HTT: variants seen among roughly 807,000 people sequenced by gnomAD.
HTT encodes huntingtin.
A neutral mutation model predicts 362.3 loss-of-function variants in HTT; 104 were observed. The observed-to-expected ratio is 0.29, with a 90% confidence interval of 0.24 to 0.34. The LOEUF is 0.34. Ranked by LOEUF, HTT falls within the 10% of genes least tolerant of loss-of-function variation. The probability of loss-of-function intolerance (pLI) is 1.00; values close to 1 mark genes in which losing one functional copy is unlikely to be tolerated. For missense variants in HTT, 3,301 were observed against 3,928.6 expected, an observed-to-expected ratio of 0.84 and a Z score of 4.27; for synonymous variants, 1,577 against 1,548.7, an observed-to-expected ratio of 1.02 and a Z score of -0.43.
chr4:3,189,946 G>A (rs1261246163), intron 40 of HTT, among the ~76,000 whole-genome samples: 1 of 152,018 alleles, frequency 6.6e-6, no homozygotes, highest in African/African-American at 2.4e-5. Context: ...AGCCCAGGAG[G>A]TTAAGTCTCT....
In HTT at chr4:3,131,145, G is replaced by T. The variant is rs1715792523; in HGVS notation, c.1987-141G>T. The T allele has an allele frequency of 1.2e-4, 81 of 658,084 alleles. No individual in the cohort carries two copies. The East Asian group carries it at 2.2e-3, about 18-fold the overall frequency. 40.8% of individuals were successfully genotyped at this position (658,084 alleles called of 1,614,324 possible). On this transcript the variant is annotated intron_variant, in intron 14 of 66. Coordinates refer to ENST00000355072, the MANE Select transcript of HTT (RefSeq NM_001388492.1). The stretch of plus-strand genomic sequence containing the variant: ...GGCCATGGTCTCTGTGAGGTCAGGT[G>T]TGCATATGGGCACAAACCAGGGCAT...
rs778589627 is a variant in HTT at position 3,207,272 on chromosome 4, G to A, written c.6076-9G>A. On this transcript the variant is annotated splice_polypyrimidine_tract_variant and intron_variant, in intron 44 of 66. Coordinates refer to ENST00000355072, the MANE Select transcript of HTT (RefSeq NM_001388492.1). ...GTTACAAACACACTAATGTGTTTTT[G>A]TCTATTAGAGCAGCATGGCCCAGTT... is the stretch of plus-strand genomic sequence containing the variant. 3 of 1,612,832 alleles carry A rather than the reference G, an allele frequency of 1.9e-6. No homozygotes were observed. In the Admixed American group the frequency reaches 5.0e-5, roughly 27 times the overall value.
At chr4:3,199,962 C>T (rs1719456499) in intron 41 of HTT, 23 bp downstream of exon 41, 1 of 1,588,430 alleles carries the variant, frequency 6.3e-7, no homozygotes, top group Non-Finnish European at 8.6e-7. Flanking sequence ...TGCCCCACAG[C>T]CCAGGGCGCC....
At chr4:3,089,289 T>C (rs1713378382) in intron 2 of HTT, among the ~76,000 whole-genome samples, 1 of 152,188 alleles carries the variant, frequency 6.6e-6, no homozygotes, top group Admixed American at 6.5e-5. Context: ...AGTCTTGCTC[T>C]GTTGCCCAGG....
chr4:3,094,570 G>A (rs1258870144), intron 2 of HTT, among the ~76,000 whole-genome samples: 1 of 139,956 alleles, frequency 7.1e-6, no homozygotes, highest in African/African-American at 2.7e-5. Flanking sequence ...GACGGGGCGG[G>A]TGGCCGGGCG....
chr4:3,238,633 A>T lies in HTT; in HGVS notation c.9054+24A>T, dbSNP rs751901402. 7.0e-6 allele frequency: 11 copies of T among 1,578,962 alleles called. No individual in the cohort carries two copies. The East Asian group carries it at 2.5e-4, about 36-fold the overall frequency. Reference sequence around the variant, plus strand: ...AGGTGAGGTTGCATGTGGGATGGGGATGGAGTGGGAAAGCCTGGAGGTGGA... The same window carrying T: ...AGGTGAGGTTGCATGTGGGATGGGGTTGGAGTGGGAAAGCCTGGAGGTGGA... On this transcript the variant is annotated intron_variant, in intron 65 of 66. Coordinates refer to ENST00000355072, the MANE Select transcript of HTT (RefSeq NM_001388492.1).
At chr4:3,078,518 C>G (rs1712686226) in intron 1 of HTT, among the ~76,000 whole-genome samples, 1 of 152,188 alleles carries the variant, frequency 6.6e-6, no homozygotes, top group African/African-American at 2.4e-5. Flanking sequence ...GCCTGCTAGA[C>G]AAATTCCAAA....
In HTT at chr4:3,154,286, A is replaced by C; in HGVS notation, c.3499-7A>C. The C allele has an allele frequency of 6.5e-7, 1 of 1,548,996 alleles. No individual in the cohort carries two copies. The highest frequency in any genetic ancestry group is 1.2e-5 in the South Asian group (1 of 81,506). On this transcript the variant is annotated splice_polypyrimidine_tract_variant and splice_region_variant and intron_variant, in intron 26 of 66. Coordinates refer to ENST00000355072, the MANE Select transcript of HTT (RefSeq NM_001388492.1). ...TTTTGTTTTTTGTTTTTGTTTTTCT[A>C]TTTTAGGCAGCCTTGCCTTCTCTAA...
intron 2 of HTT, among the ~76,000 whole-genome samples, chr4:3,094,786 C>T (rs1329516563): frequency 3.2e-4 from 47 of 148,764 alleles, no homozygotes; most frequent in African/African-American, 8.7e-4. Flanking sequence ...GGCTGCTGGG[C>T]GGAGGGGCTC....
intron 51 of HTT, among the ~76,000 whole-genome samples, chr4:3,216,752 G>A (rs1472230956): frequency 1.3e-5 from 2 of 152,178 alleles, no homozygotes; most frequent in African/African-American, 2.4e-5. Flanking sequence ...TAGGCCGGGC[G>A]CGGTGGCTCA....
intron 19 of HTT, among the ~76,000 whole-genome samples, chr4:3,135,262 G>T (rs1716004019): frequency 6.6e-6 from 1 of 151,692 alleles, no homozygotes; most frequent in Non-Finnish European, 1.5e-5. Flanking sequence ...AGCTGTGGTT[G>T]CAGTGAGCCA....
chr4:3,223,794 G>A (rs1720786493), intron 55 of HTT, among the ~76,000 whole-genome samples, 198 bp from the exon 56 acceptor site: 1 of 152,226 alleles, frequency 6.6e-6, no homozygotes, highest in South Asian at 2.1e-4. Flanking sequence ...AGGGGAAGAC[G>A]TTAGCAGAGC....
chr4:3,132,629 T>C lies in HTT; in HGVS notation c.2304T>C (p.Thr768=), dbSNP rs1715878015. The C allele has an allele frequency of 1.9e-6, 3 of 1,613,820 alleles. No homozygotes were observed. In the South Asian group the frequency reaches 3.3e-5, roughly 18 times the overall value. Residue 768 remains threonine (T), a synonymous_variant, in exon 17 of 67, where the codon ACT becomes ACC. Transcript: ENST00000355072. ...GAGACCCACAGGTTCGAGGAGCCACTGCCATTCTCTGTGGGACCCTCATCT... is the reference window on the plus strand; with the variant it reads ...GAGACCCACAGGTTCGAGGAGCCACCGCCATTCTCTGTGGGACCCTCATCT... ...DHGDPQVRGA[T]AILCGTLICS... is the part of the protein sequence containing the mutation.
chr4:3,198,872 G>T (rs1333533067), intron 40 of HTT, among the ~76,000 whole-genome samples: 1 of 152,222 alleles, frequency 6.6e-6, no homozygotes, highest in African/African-American at 2.4e-5. Flanking sequence ...GGGCACAGAG[G>T]CCACTTGGCT....
chr4:3,209,761 C>T, intron 46 of HTT, 66 bp from the exon 47 acceptor site: 2 of 1,594,776 alleles, frequency 1.3e-6, no homozygotes, highest in South Asian at 1.1e-5. Context: ...GCCTGTAGCT[C>T]CAGGGATGTG....
chr4:3,132,466 A>G, intron 16 of HTT, 96 bp from the exon 17 acceptor site: 1 of 1,018,014 alleles, frequency 9.8e-7, no homozygotes, highest in Non-Finnish European at 1.5e-6. Context: ...TTCTCTTCAC[A>G]CCTCTTTTTC....
intron 59 of HTT, among the ~76,000 whole-genome samples, chr4:3,229,409 G>A (rs1721112031): frequency 7.9e-6 from 1 of 127,114 alleles, no homozygotes; most frequent in Admixed American, 7.8e-5. Context: ...CCACATGTAT[G>A]TGCCACACAC....
At chr4:3,173,590 G>A (rs1283450918) in intron 31 of HTT, among the ~76,000 whole-genome samples, 5 of 152,150 alleles carry the variant, frequency 3.3e-5, no homozygotes, top group Non-Finnish European at 5.9e-5. Flanking sequence ...TCAGAGGTGT[G>A]TGAAGGCCAT....
intron 42 of HTT, among the ~76,000 whole-genome samples, chr4:3,204,398 GC>G (rs1478692465): frequency 6.6e-6 from 1 of 152,214 alleles, no homozygotes; most frequent in Non-Finnish European, 1.5e-5. Flanking sequence ...TTTATCAAAT[GC>G]CCGGCTATTG....
Sources: gnomAD v4.1 joint callset for allele counts (sites outside exome capture counted in the v4.1 genomes callset) on GRCh38, gnomAD v4.1.1 for gene constraint, MANE v1.5 for transcripts, NCBI Gene and HGNC (gene_info 2026-07-23, HGNC 2026-07-21) for gene names.